The following MTMR3 variants were observed in gnomAD, a reference collection of about 807,000 sequenced individuals.
MTMR3 encodes the protein myotubularin related protein 3.
Under a neutral mutation model 132.4 loss-of-function variants are expected in MTMR3, and 32 were observed. That is an observed-to-expected ratio of 0.24 (90% CI 0.18 to 0.32). MTMR3 has a LOEUF of 0.32. Ranked by LOEUF, MTMR3 falls within the 10% of genes least tolerant of loss-of-function variation. The pLI is 1.00. For missense variants in MTMR3, 1,216 were observed against 1,489.6 expected (o/e 0.82, Z 3.02); for synonymous variants, 556 against 550.3 (o/e 1.01, Z -0.14).
intron 1 of MTMR3, among the ~76,000 whole-genome samples, chr22:29,916,691 CA>C (rs913862871): frequency 5.3e-5 from 8 of 152,152 alleles, no homozygotes; most frequent in Non-Finnish European, 8.8e-5. Flanking sequence ...TTTATAAATA[CA>C]AGGTTTGCAT....
intron 2 of MTMR3, among the ~76,000 whole-genome samples, chr22:29,965,684 C>T (rs1240737336): frequency 6.6e-6 from 1 of 152,002 alleles, no homozygotes; most frequent in Non-Finnish European, 1.5e-5. Flanking sequence ...GACTCTGTCT[C>T]AAAAACAAAA....
chr22:29,906,279 T>A (rs2065097532), intron 1 of MTMR3, among the ~76,000 whole-genome samples: 1 of 67,530 alleles, frequency 1.5e-5, no homozygotes, highest in Admixed American at 1.4e-4. Flanking sequence ...TGTCTGTCTG[T>A]CTGTCTGTCT....
chr22:29,966,708 G>T (rs2066422526), intron 2 of MTMR3, among the ~76,000 whole-genome samples: 1 of 149,394 alleles, frequency 6.7e-6, no homozygotes, highest in African/African-American at 2.5e-5. Context: ...TCTTCCACTG[G>T]TGACCTGTAG....
intron 1 of MTMR3, among the ~76,000 whole-genome samples, chr22:29,912,049 C>G (rs2065223785): frequency 6.6e-6 from 1 of 151,962 alleles, no homozygotes; most frequent in Admixed American, 6.6e-5. Flanking sequence ...AAAAGTCAGA[C>G]AAGAGGAAAT....
intron 3 of MTMR3, among the ~76,000 whole-genome samples, chr22:29,974,448 TA>T (rs1187573995): frequency 6.6e-6 from 1 of 152,242 alleles, no homozygotes; most frequent in Non-Finnish European, 1.5e-5. Flanking sequence ...GCTTTACAGG[TA>T]ATGTGAATTG....
intron 5 of MTMR3, chr22:29,980,368 GC>G (rs1320370436): frequency 6.6e-6 from 1 of 152,134 alleles, no homozygotes; most frequent in Non-Finnish European, 1.5e-5. Flanking sequence ...CTGTCTATCA[GC>G]TAAAGATACA....
chr22:29,945,844 T>A (rs1426208390), intron 1 of MTMR3, among the ~76,000 whole-genome samples: 2 of 151,752 alleles, frequency 1.3e-5, no homozygotes, highest in African/African-American at 4.8e-5. Flanking sequence ...GATGAAAAAA[T>A]TTTAAAAGCA....
chr22:29,960,304 G>A (rs576594393), intron 2 of MTMR3, among the ~76,000 whole-genome samples: 9 of 152,094 alleles, frequency 5.9e-5, no homozygotes, highest in Non-Finnish European at 8.8e-5. Context: ...GAATAGATAT[G>A]GTAGATTATT....
At chr22:29,976,636 G>A (rs1024627910) in intron 3 of MTMR3, among the ~76,000 whole-genome samples, 2 of 152,168 alleles carry the variant, frequency 1.3e-5, no homozygotes, top group Non-Finnish European at 2.9e-5. Context: ...GGTACCAGCA[G>A]TTTTACCTAC....
rs41281627 is a variant in MTMR3 at position 30,028,916 on chromosome 22, G to T, written c.*3115G>T. 809 of 152,496 alleles carry T rather than the reference G, an allele frequency of 5.3e-3. 2 individuals carry two copies. Among genetic ancestry groups the T allele is most frequent in the Non-Finnish European group, 7.8e-3 (534 of 68,038 alleles). 9.4% of individuals were successfully genotyped at this position (152,496 alleles called of 1,614,324 possible). On this transcript the variant is annotated 3_prime_UTR_variant, in exon 20 of 20. Coordinates refer to ENST00000401950, the MANE Select transcript of MTMR3 (RefSeq NM_021090.4). ...TCATATGAAGTTGTGAAAACCATGA[G>T]TGTGTGCCATGGCCATCGTGTCTAC... is the stretch of plus-strand genomic sequence containing the variant.
chr22:29,906,629 C>T (rs1453941028), intron 1 of MTMR3, among the ~76,000 whole-genome samples: 1 of 152,124 alleles, frequency 6.6e-6, no homozygotes, highest in Non-Finnish European at 1.5e-5. Flanking sequence ...AACCACCGTG[C>T]CTGGCCTGTC....
At chr22:29,904,391 C>G (rs565569781) in intron 1 of MTMR3, among the ~76,000 whole-genome samples, 42 of 152,320 alleles carry the variant, frequency 2.8e-4, no homozygotes, top group African/African-American at 7.9e-4. Flanking sequence ...GTCCAGACAT[C>G]AGGTTGGATG....
chr22:30,012,702 G>T, intron 13 of MTMR3, 139 bp downstream of exon 13: 1 of 903,050 alleles, frequency 1.1e-6, no homozygotes, highest in East Asian at 2.6e-5. Flanking sequence ...TTTATGCCAT[G>T]AGCTAAATTG....
At chr22:29,968,568 C>T (rs1397897024) in intron 2 of MTMR3, among the ~76,000 whole-genome samples, 1 of 152,016 alleles carries the variant, frequency 6.6e-6, no homozygotes, top group Non-Finnish European at 1.5e-5. Context: ...ACATCTTTAC[C>T]TTCCTATCTA....
At chr22:30,008,194 G>A (rs1037477928) in intron 11 of MTMR3, 162 bp downstream of exon 11, 30 of 875,748 alleles carry the variant, frequency 3.4e-5, no homozygotes, top group Non-Finnish European at 4.7e-5. Context: ...AACACTGTAT[G>A]TTCTTTTCTG....
chr22:29,966,924 A>G (rs1261711071), intron 2 of MTMR3, among the ~76,000 whole-genome samples: 1 of 151,930 alleles, frequency 6.6e-6, no homozygotes, highest in Non-Finnish European at 1.5e-5. Flanking sequence ...ATTATTTCTG[A>G]CTTACCCTCA....
chr22:29,944,687 C>T (rs549164248), intron 1 of MTMR3, among the ~76,000 whole-genome samples: 13 of 152,230 alleles, frequency 8.5e-5, no homozygotes, highest in African/African-American at 3.1e-4. Flanking sequence ...GCTCGGTTAT[C>T]TTTAATGTTG....
At position 30,016,721 on chromosome 22, in the gene MTMR3, A is replaced by G. The variant is rs764145335; in HGVS notation, c.1674+23A>G. On this transcript the variant is annotated intron_variant, in intron 15 of 19. Coordinates refer to ENST00000401950, the MANE Select transcript of MTMR3 (RefSeq NM_021090.4). The stretch of plus-strand genomic sequence containing the variant: ...GCCGTATGTATCCTTCAGCCTTTCC[A>G]CTGTGGTCAGCAGAAGGAATTTGGG... 2.5e-6 allele frequency: 4 copies of G among 1,596,162 alleles called. No homozygotes were observed. In the East Asian group the frequency reaches 6.7e-5, roughly 27 times the overall value.
At chr22:29,943,279 G>A (rs2065892095) in intron 1 of MTMR3, among the ~76,000 whole-genome samples, 2 of 151,628 alleles carry the variant, frequency 1.3e-5, no homozygotes, top group Non-Finnish European at 2.9e-5. Context: ...TGCAAGCTCT[G>A]CCTCCCAGGT....
Sources: gnomAD v4.1 joint callset for allele counts (sites outside exome capture counted in the v4.1 genomes callset) on GRCh38, gnomAD v4.1.1 for gene constraint, MANE v1.5 for transcripts, NCBI Gene and HGNC (gene_info 2026-07-23, HGNC 2026-07-21) for gene names.